Variants in ANK3 observed in about 807,000 individuals in gnomAD.
The protein encoded by ANK3 is ankyrin-3.
In ANK3, 57 loss-of-function variants were observed where a neutral mutation model predicts 370.9. That is an observed-to-expected ratio of 0.15 (90% CI 0.12 to 0.19). The LOEUF (loss-of-function observed/expected upper bound fraction) is 0.19, where lower values mean the gene tolerates loss of function less well. Among genes scored for constraint, ANK3 ranks in the 10% least tolerant of loss-of-function variants. The pLI is 1.00. For synonymous variants in ANK3, 1,929 were observed against 1,946.3 expected, an observed-to-expected ratio of 0.99 and a Z score of 0.23; for missense variants, 4,439 against 5,302.1, an observed-to-expected ratio of 0.84 and a Z score of 5.06.
chr10:60,449,496 C>T (rs564663754), intron 2 of ANK3, among the ~76,000 whole-genome samples: 63 of 152,194 alleles, frequency 4.1e-4, no homozygotes, highest in Non-Finnish European at 6.8e-4. Flanking sequence ...TAGGAAATTT[C>T]GTCTCATTAA....
intron 42 of ANK3, among the ~76,000 whole-genome samples, chr10:60,050,282 G>A (rs1364682458): frequency 6.6e-6 from 1 of 152,122 alleles, no homozygotes; most frequent in East Asian, 1.9e-4. Flanking sequence ...GGTTTTTAAA[G>A]GAACCCTATT....
chr10:60,682,005 G>T (rs911423882), intron 1 of ANK3, among the ~76,000 whole-genome samples: 1 of 152,038 alleles, frequency 6.6e-6, no homozygotes, highest in African/African-American at 2.4e-5. Flanking sequence ...TGAAAAATTA[G>T]CTGGGCATGA....
At chr10:60,316,007 T>C (rs2047333227) in intron 1 of ANK3, among the ~76,000 whole-genome samples, 1 of 152,118 alleles carries the variant, frequency 6.6e-6, no homozygotes, top group Admixed American at 6.5e-5. Flanking sequence ...TCACGAAAAA[T>C]GCTTTTGGCT....
At chr10:60,580,772 A>T (rs1215176267) in intron 2 of ANK3, among the ~76,000 whole-genome samples, 1 of 152,204 alleles carries the variant, frequency 6.6e-6, no homozygotes, top group Non-Finnish European at 1.5e-5. Flanking sequence ...AATGTCCCCA[A>T]ATAACTGAAA....
intron 25 of ANK3, among the ~76,000 whole-genome samples, chr10:60,120,318 T>G (rs1465180795): frequency 6.6e-6 from 1 of 151,950 alleles, no homozygotes; most frequent in Non-Finnish European, 1.5e-5. Flanking sequence ...CAAATCAAAA[T>G]GAATTAAAGA....
At chr10:60,054,385 C>G (rs1050189482) in intron 42 of ANK3, among the ~76,000 whole-genome samples, 1 of 152,126 alleles carries the variant, frequency 6.6e-6, no homozygotes, top group East Asian at 1.9e-4. Flanking sequence ...CTTAAAAGAG[C>G]TTAAAACTAA....
chr10:60,494,719 C>T (rs7897863), intron 2 of ANK3, among the ~76,000 whole-genome samples: 6 of 151,892 alleles, frequency 4.0e-5, no homozygotes, highest in Non-Finnish European at 5.9e-5. Flanking sequence ...ACATTCAAGA[C>T]GTATACACTT....
At chr10:60,730,456 T>C (rs2080006236) in intron 1 of ANK3, among the ~76,000 whole-genome samples, 1 of 152,176 alleles carries the variant, frequency 6.6e-6, no homozygotes, top group Non-Finnish European at 1.5e-5. Flanking sequence ...CCATGCCTGC[T>C]CTAATAGAAC....
At chr10:60,335,541 A>G (rs2052618553) in intron 1 of ANK3, among the ~76,000 whole-genome samples, 1 of 152,130 alleles carries the variant, frequency 6.6e-6, no homozygotes, top group Non-Finnish European at 1.5e-5. Context: ...GCCTTTACAA[A>G]CAGCTGCAGA....
intron 1 of ANK3, among the ~76,000 whole-genome samples, chr10:60,330,466 T>C (rs1338587187): frequency 6.6e-6 from 1 of 152,042 alleles, no homozygotes; most frequent in Non-Finnish European, 1.5e-5. Flanking sequence ...GCAAAGGATA[T>C]GAACAGACAC....
upstream of ANK3, among the ~76,000 whole-genome samples, chr10:60,392,894 A>C (rs1362480142): frequency 6.6e-6 from 1 of 151,540 alleles, no homozygotes; most frequent in Non-Finnish European, 1.5e-5. Flanking sequence ...ACACCACTGC[A>C]CTCCAGTCTG....
intron 1 of ANK3, among the ~76,000 whole-genome samples, chr10:60,677,947 C>A (rs1322438365): frequency 1.3e-5 from 2 of 152,158 alleles, no homozygotes. Flanking sequence ...CTGCCCAAAT[C>A]CGCTCAGACT....
At position 60,107,302 on chromosome 10, in the gene ANK3, C is replaced by T. The variant is rs192299995; in HGVS notation, c.3174-1243G>A. Among the ~76,000 whole-genome samples the T allele has an allele frequency of 5.3e-5, 8 of 152,120 alleles. No individual in the cohort carries two copies. The East Asian group carries it at 1.5e-3, about 29-fold the overall frequency. On this transcript the variant is annotated intron_variant, in intron 27 of 43. Coordinates refer to ENST00000280772, the MANE Select transcript of ANK3 (RefSeq NM_020987.5). Reference sequence around the variant, plus strand: ...TTTTTAACTACACCTTATAATTAAACATTAAATTGTATTTATTTTTGAGAA... The same window carrying T: ...TTTTTAACTACACCTTATAATTAAATATTAAATTGTATTTATTTTTGAGAA...
chr10:60,332,286 G>C (rs990375672), intron 1 of ANK3, among the ~76,000 whole-genome samples: 1 of 152,192 alleles, frequency 6.6e-6, no homozygotes, highest in Non-Finnish European at 1.5e-5. Context: ...TCCTGGTGAA[G>C]ACATATGTAG....
intron 1 of ANK3, chr10:60,684,986 C>T: frequency 6.4e-7 from 1 of 1,556,872 alleles, no homozygotes; most frequent in East Asian, 2.4e-5. Context: ...TCATCAACTC[C>T]TTGGCATTTG....
At chr10:60,078,483 T>C in intron 36 of ANK3, among the ~76,000 whole-genome samples, 1 of 152,180 alleles carries the variant, frequency 6.6e-6, no homozygotes, top group Non-Finnish European at 1.5e-5. Flanking sequence ...TTTGTAACTA[T>C]CAGACACTGA....
intron 2 of ANK3, among the ~76,000 whole-genome samples, chr10:60,538,867 A>G (rs530311225): frequency 3.8e-4 from 58 of 152,072 alleles, no homozygotes; most frequent in African/African-American, 1.3e-3. Flanking sequence ...GCTCTATGCC[A>G]TAGTTATTGA....
chr10:60,473,168 G>A (rs111668964), intron 2 of ANK3, among the ~76,000 whole-genome samples: 1 of 152,132 alleles, frequency 6.6e-6, no homozygotes, highest in African/African-American at 2.4e-5. Context: ...CCACAGACAT[G>A]TCTATAGACA....
chr10:60,135,867 C>G (rs2094319661), intron 24 of ANK3, among the ~76,000 whole-genome samples: 1 of 152,158 alleles, frequency 6.6e-6, no homozygotes, highest in African/African-American at 2.4e-5. Flanking sequence ...TACGTACATT[C>G]TTCTAGGATT....
Sources: gnomAD v4.1 joint callset for allele counts (sites outside exome capture counted in the v4.1 genomes callset) on GRCh38, gnomAD v4.1.1 for gene constraint, MANE v1.5 for transcripts, NCBI Gene and HGNC (gene_info 2026-07-23, HGNC 2026-07-21) for gene names.